The following PUM2 variants were observed in gnomAD, a reference collection of about 807,000 sequenced individuals.
PUM2 encodes pumilio homolog 2.
A neutral mutation model predicts 124.5 loss-of-function variants in PUM2; 57 were observed. The observed-to-expected ratio is 0.46, with a 90% CI of 0.37 to 0.57. The LOEUF (loss-of-function observed/expected upper bound fraction) is 0.57. Ranked by LOEUF, PUM2 falls within the 20% of genes least tolerant of loss-of-function variation. The probability of loss-of-function intolerance (pLI) is 0.00; values close to 1 mark genes in which losing one functional copy is unlikely to be tolerated. For synonymous variants in PUM2, 460 were observed against 446.1 expected, an observed-to-expected ratio of 1.03 and a Z score of -0.39; for missense variants, 1,065 against 1,290.6, an observed-to-expected ratio of 0.83 and a Z score of 2.68.
chr2:20,312,011 T>C (rs1316844959), intron 4 of PUM2, among the ~76,000 whole-genome samples: 1 of 152,174 alleles, frequency 6.6e-6, no homozygotes, highest in Non-Finnish European at 1.5e-5. Context: ...GTTTAAAAAT[T>C]AGTATGATTT....
At position 20,291,074 on chromosome 2, in the gene PUM2, A is replaced by T. The variant is rs568591493; in HGVS notation, c.1153-284T>A. ...TCTGTGCTCTTTAACAAAGTAGTTT[A>T]AAAAATAATAATAATAATAATGAGC... On this transcript the variant is annotated intron_variant, in intron 9 of 20. Coordinates refer to ENST00000361078, the MANE Select transcript of PUM2 (RefSeq NM_015317.5). Among the ~76,000 whole-genome samples, 6 of 151,972 alleles carry T rather than the reference A, an allele frequency of 3.9e-5. No homozygotes were observed. The South Asian group carries it at 6.3e-4, about 16-fold the overall frequency.
At chr2:20,288,817 A>G (rs1673321718) in intron 10 of PUM2, among the ~76,000 whole-genome samples, 1 of 152,236 alleles carries the variant, frequency 6.6e-6, no homozygotes, top group Non-Finnish European at 1.5e-5. Context: ...TCTGGGCACA[A>G]TGAAGTAAAG....
chr2:20,315,047 AG>A (rs1349900047), intron 3 of PUM2, among the ~76,000 whole-genome samples: 1 of 142,746 alleles, frequency 7.0e-6, no homozygotes, highest in Non-Finnish European at 1.5e-5. Flanking sequence ...ATGCCACCAA[AG>A]GAAGTGTGCT....
intron 7 of PUM2, among the ~76,000 whole-genome samples, chr2:20,303,894 C>G (rs1434121831): frequency 7.2e-5 from 11 of 152,232 alleles, no homozygotes; most frequent in Admixed American, 7.2e-4. Flanking sequence ...CACCCTTTAT[C>G]TCTTAAGGTT....
chr2:20,348,321 T>C (rs1688645226), intron 1 of PUM2, among the ~76,000 whole-genome samples: 2 of 152,180 alleles, frequency 1.3e-5, no homozygotes, highest in African/African-American at 4.8e-5. Context: ...CAAAGCCATG[T>C]GAGACTCAAA....
chr2:20,345,451 C>CTGCA (rs1431822388), intron 1 of PUM2, among the ~76,000 whole-genome samples: 2 of 152,138 alleles, frequency 1.3e-5, no homozygotes, highest in African/African-American at 4.8e-5. Flanking sequence ...GGCTAGCATG[C>CTGCA]TGCACTGTAA....
intron 1 of PUM2, 172 bp downstream of exon 1, chr2:20,350,425 T>A (rs915731918): frequency 7.1e-6 from 6 of 850,788 alleles, no homozygotes; most frequent in South Asian, 5.4e-5. Flanking sequence ...CCGGCACCCC[T>A]CCCCCTGCAT....
At chr2:20,332,322 T>TGTGTGTGTGTG (rs3222066) in intron 1 of PUM2, among the ~76,000 whole-genome samples, 4 of 149,816 alleles carry the variant, frequency 2.7e-5, no homozygotes, top group Admixed American at 6.7e-5. Flanking sequence ...TGTGTGTGTG[T>TGTGTGTGTGTG]TTAAACGAAT....
At chr2:20,346,717 T>C (rs542902760) in intron 1 of PUM2, among the ~76,000 whole-genome samples, 5 of 152,250 alleles carry the variant, frequency 3.3e-5, no homozygotes, top group African/African-American at 7.2e-5. Context: ...ATGTAAATAA[T>C]CCTTCCCTAC....
In PUM2 at chr2:20,308,274, C is replaced by A. The variant is rs368787769; in HGVS notation, c.789+40G>T. 8.2e-6 allele frequency: 13 copies of A among 1,594,068 alleles called. No homozygotes were observed. In the African/African-American group the frequency reaches 1.6e-4, roughly 20 times the overall value. On this transcript the variant is annotated intron_variant, in intron 6 of 20. Coordinates refer to ENST00000361078, the MANE Select transcript of PUM2 (RefSeq NM_015317.5). ...TAGCACTTCAGGCTAAACCAGTATA[C>A]AGTTAAGAGGACCTTCTTAAAGAAA...
At chr2:20,347,595 A>C (rs1296009276) in intron 1 of PUM2, among the ~76,000 whole-genome samples, 2 of 152,254 alleles carry the variant, frequency 1.3e-5, no homozygotes, top group Admixed American at 1.3e-4. Flanking sequence ...TATAAAAATC[A>C]CTATTAAAAT....
At chr2:20,321,740 T>C (rs73216299) in intron 2 of PUM2, among the ~76,000 whole-genome samples, 4,152 of 152,180 alleles carry the variant, frequency 0.027, 172 homozygotes, top group African/African-American at 0.095. Flanking sequence ...CATACAACAT[T>C]ACAGAAAACA....
rs988096454 is a variant in PUM2 at position 20,258,962 on chromosome 2, C to T, written c.2356-591G>A. Among the ~76,000 whole-genome samples, 11 of 151,984 alleles carry T rather than the reference C, an allele frequency of 7.2e-5. 1 individual carries two copies. In the South Asian group the frequency reaches 8.3e-4, roughly 11 times the overall value. ...GATTACAGGCGTGAGCCACCGCGCC[C>T]GGCCAAAACCCTTCATCTTTAATAT... On this transcript the variant is annotated intron_variant, in intron 15 of 20. Coordinates refer to ENST00000361078, the MANE Select transcript of PUM2 (RefSeq NM_015317.5).
intron 7 of PUM2, among the ~76,000 whole-genome samples, chr2:20,303,469 A>C (rs940072826): frequency 1.3e-5 from 2 of 151,428 alleles, no homozygotes; most frequent in African/African-American, 2.4e-5. Flanking sequence ...AGAAAAAAAA[A>C]CCTGCTGGGA....
chr2:20,348,126 C>G (rs1688596467), intron 1 of PUM2, among the ~76,000 whole-genome samples: 1 of 151,770 alleles, frequency 6.6e-6, no homozygotes, highest in Non-Finnish European at 1.5e-5. Context: ...AGTTTGAGAC[C>G]AGCCTGGGCA....
intron 7 of PUM2, among the ~76,000 whole-genome samples, chr2:20,305,463 GAAAA>G (rs67834545): frequency 2.2e-5 from 1 of 46,154 alleles, no homozygotes; most frequent in Non-Finnish European, 3.6e-5. Context: ...CCCTGTCTTC[GAAAA>G]AAAAAAAAAA....
At chr2:20,290,874 A>T (rs1673900226) in intron 9 of PUM2, 84 bp from the exon 10 acceptor site, 1 of 1,118,804 alleles carries the variant, frequency 8.9e-7, no homozygotes, top group Admixed American at 3.3e-5. Context: ...TATTTATTAC[A>T]AACAGCCTTT....
chr2:20,330,193 AAG>A (rs1469497877), intron 1 of PUM2, among the ~76,000 whole-genome samples: 5 of 152,220 alleles, frequency 3.3e-5, no homozygotes, highest in African/African-American at 1.2e-4. Flanking sequence ...AAAGTGCTGA[AAG>A]GAGTGCCAAT....
At chr2:20,314,214 A>T (rs2148647770) in intron 3 of PUM2, among the ~76,000 whole-genome samples, 1 of 152,340 alleles carries the variant, frequency 6.6e-6, no homozygotes, top group Non-Finnish European at 1.5e-5. Context: ...ACACTTCTCA[A>T]GTTCACAGTT....
Sources: gnomAD v4.1 joint callset for allele counts (sites outside exome capture counted in the v4.1 genomes callset) on GRCh38, gnomAD v4.1.1 for gene constraint, MANE v1.5 for transcripts, NCBI Gene and HGNC (gene_info 2026-07-23, HGNC 2026-07-21) for gene names.